DNAH12: variants seen among roughly 807,000 people sequenced by gnomAD.
DNAH12 encodes the protein dynein axonemal heavy chain 12.
A neutral mutation model predicts 371.5 loss-of-function variants in DNAH12; 285 were observed. That is an observed-to-expected ratio of 0.77 (90% CI 0.70 to 0.85). DNAH12 has a LOEUF of 0.85. Ranked by LOEUF, DNAH12 falls within the 40% of genes least tolerant of loss-of-function variation. The probability of loss-of-function intolerance (pLI) is 0.00; values close to 1 mark genes in which losing one functional copy is unlikely to be tolerated. For synonymous variants in DNAH12, 1,200 were observed against 1,213.0 expected, an observed-to-expected ratio of 0.99 and a Z score of 0.22; for missense variants, 3,611 against 3,689.4, an observed-to-expected ratio of 0.98 and a Z score of 0.55.
At position 57,427,582 on chromosome 3, in the gene DNAH12, C is replaced by T. The variant is rs564555689; in HGVS notation, c.5253+1051G>A. Among the ~76,000 whole-genome samples, 115 of 152,100 alleles carry T rather than the reference C, an allele frequency of 7.6e-4. 1 individual carries two copies. Among genetic ancestry groups the T allele is most frequent in the African/African-American group, 2.5e-3 (105 of 41,488 alleles). On this transcript the variant is annotated intron_variant, in intron 34 of 73. Coordinates refer to ENST00000495027, the MANE Select transcript of DNAH12 (RefSeq NM_001366028.2). ...GCATGTGCCTGTAATCCCAGCTACT[C>T]GGGAGGCTAAGGCAGGAGAATTGCT...
At chr3:57,504,833 T>C (rs552480388) in intron 8 of DNAH12, among the ~76,000 whole-genome samples, 44 of 152,162 alleles carry the variant, frequency 2.9e-4, no homozygotes, top group Non-Finnish European at 5.6e-4. Context: ...CTAGGTCTTA[T>C]TCATTCATTC....
chr3:57,527,590 C>G (rs1434567112), intron 2 of DNAH12, among the ~76,000 whole-genome samples: 2 of 152,148 alleles, frequency 1.3e-5, no homozygotes, highest in Non-Finnish European at 2.9e-5. Context: ...CACGAGAACT[C>G]ACTATCATGA....
chr3:57,309,275 G>A, intron 68 of DNAH12, 21 bp from the exon 69 acceptor site: 1 of 1,512,566 alleles, frequency 6.6e-7, no homozygotes, highest in Non-Finnish European at 8.9e-7. Context: ...AGATTTTGAA[G>A]ATCACAAATT....
intron 2 of DNAH12, among the ~76,000 whole-genome samples, chr3:57,525,951 T>C (rs1447113178): frequency 6.6e-6 from 1 of 151,768 alleles, no homozygotes; most frequent in Non-Finnish European, 1.5e-5. Context: ...TTAGTAGACA[T>C]GGGGTTTCAC....
At chr3:57,320,971 C>A (rs1014551575) in intron 65 of DNAH12, among the ~76,000 whole-genome samples, 2 of 152,174 alleles carry the variant, frequency 1.3e-5, no homozygotes, top group African/African-American at 4.8e-5. Flanking sequence ...CTTCAGATAT[C>A]CCAACAAATC....
intron 8 of DNAH12, 115 bp downstream of exon 8, chr3:57,507,525 CAGT>C: frequency 1.4e-6 from 1 of 723,156 alleles, no homozygotes. Flanking sequence ...AATAAAATTA[CAGT>C]AGAAATATTT....
intron 49 of DNAH12, among the ~76,000 whole-genome samples, chr3:57,383,108 CAG>C (rs1456974904): frequency 6.6e-6 from 1 of 152,094 alleles, no homozygotes; most frequent in Admixed American, 6.6e-5. Context: ...GCTTCCTACT[CAG>C]AGAGACAGCT....
At chr3:57,541,214 T>G (rs925212624) in intron 2 of DNAH12, among the ~76,000 whole-genome samples, 3 of 151,972 alleles carry the variant, frequency 2.0e-5, no homozygotes, top group African/African-American at 7.2e-5. Context: ...TAATTTTTTG[T>G]ATTTTTAGTA....
chr3:57,483,950 C>CAAAAAAA (rs71088079), intron 12 of DNAH12, among the ~76,000 whole-genome samples: 1 of 64,096 alleles, frequency 1.6e-5, no homozygotes, highest in Non-Finnish European at 2.7e-5. Context: ...GACCCTGTCT[C>CAAAAAAA]AAAAAAAAAA....
At chr3:57,519,842 C>G in intron 4 of DNAH12, 3 of 1,117,266 alleles carry the variant, frequency 2.7e-6, no homozygotes, top group Non-Finnish European at 4.1e-6. Context: ...GCATCCATCA[C>G]CTGGACTCTG....
At chr3:57,516,085 A>C (rs750863626) in intron 4 of DNAH12, among the ~76,000 whole-genome samples, 3 of 99,860 alleles carry the variant, frequency 3.0e-5, no homozygotes, top group Admixed American at 1.5e-4. Flanking sequence ...TTTTCTTCAG[A>C]TGGAGTCTCC....
chr3:57,515,907 G>C (rs1381608161), intron 4 of DNAH12, among the ~76,000 whole-genome samples: 1 of 151,596 alleles, frequency 6.6e-6, no homozygotes, highest in Non-Finnish European at 1.5e-5. Flanking sequence ...AAATTATTTT[G>C]AGATAAAAAG....
rs2061827343 is a variant in DNAH12, at chr3:57,322,368, A to G, written c.10499T>C (p.Phe3500Ser). 1.3e-6 allele frequency: 2 copies of G among 1,551,666 alleles called. No homozygotes were observed. Among genetic ancestry groups the G allele is most frequent in the Non-Finnish European group, 1.7e-6 (2 of 1,146,966 alleles). ...CAGTTCCTTTCCACGGCATCCCTTG[A>G]AAAACTCAGGATCAGAAACTGGATC... Reference protein sequence around the residue: ...LTDPVSDPEFFKGCRGKELAW... With the variant: ...LTDPVSDPEFSKGCRGKELAW... Residue 3500 changes from phenylalanine to serine, a missense_variant, in exon 65 of 74, where the codon TTC (phenylalanine) becomes TCC (serine). Physicochemically the swap from Phe to Ser is radical, Grantham distance 155. Coordinates refer to ENST00000495027, the MANE Select transcript of DNAH12 (RefSeq NM_001366028.2).
At chr3:57,297,146 C>T (rs986849200) in intron 70 of DNAH12, 162 bp from the exon 71 acceptor site, 5 of 651,032 alleles carry the variant, frequency 7.7e-6, no homozygotes, top group South Asian at 2.1e-5. Flanking sequence ...GGCCCTCTCA[C>T]CTCTTTCCCC....
intron 49 of DNAH12, among the ~76,000 whole-genome samples, chr3:57,382,745 A>T (rs2063420181): frequency 6.6e-6 from 1 of 152,220 alleles, no homozygotes; most frequent in Non-Finnish European, 1.5e-5. Context: ...ACAAAGACTT[A>T]ACTCTATATT....
chr3:57,467,206 C>T (rs1351856998), intron 17 of DNAH12, among the ~76,000 whole-genome samples: 6 of 152,056 alleles, frequency 3.9e-5, no homozygotes, highest in Non-Finnish European at 7.4e-5. Flanking sequence ...GCAACCTCTG[C>T]CTCCCGGGTT....
chr3:57,355,144 G>T (rs2062768644), intron 59 of DNAH12, among the ~76,000 whole-genome samples: 1 of 152,064 alleles, frequency 6.6e-6, no homozygotes, highest in African/African-American at 2.4e-5. Context: ...AGGTACATGA[G>T]ATCTTTATTA....
intron 45 of DNAH12, among the ~76,000 whole-genome samples, chr3:57,389,231 G>GAAAAA (rs36159319): frequency 1.4e-5 from 2 of 143,070 alleles, no homozygotes; most frequent in Non-Finnish European, 1.5e-5. Context: ...AGGTCCACAG[G>GAAAAA]AAAAAAAAAA....
intron 2 of DNAH12, among the ~76,000 whole-genome samples, chr3:57,535,413 T>C (rs1240575908): frequency 1.3e-5 from 2 of 152,234 alleles, no homozygotes; most frequent in Non-Finnish European, 2.9e-5. Context: ...CCTCTCACCA[T>C]GTGATGCTTT....
Sources: allele counts gnomAD v4.1 joint callset (sites outside exome capture counted in the v4.1 genomes callset), GRCh38; gene constraint gnomAD v4.1.1; transcripts MANE v1.5; gene names NCBI Gene and HGNC (gene_info 2026-07-23, HGNC 2026-07-21).